OTUD7A: variants seen among roughly 807,000 people sequenced by gnomAD.
OTUD7A encodes OTU deubiquitinase 7A.
A neutral mutation model predicts 65.7 loss-of-function variants in OTUD7A; 12 were observed. The observed-to-expected ratio is 0.18, with a 90% CI of 0.12 to 0.30. OTUD7A has a LOEUF of 0.30. Among genes scored for constraint, OTUD7A ranks in the 10% least tolerant of loss-of-function variants. The pLI is 1.00. For missense variants in OTUD7A, 1,148 were observed against 1,304.8 expected, an observed-to-expected ratio of 0.88 and a Z score of 1.85; for synonymous variants, 641 against 586.3, an observed-to-expected ratio of 1.09 and a Z score of -1.35.
chr15:31,588,581 A>G (rs1445789096), intron 3 of OTUD7A, among the ~76,000 whole-genome samples: 2 of 152,238 alleles, frequency 1.3e-5, no homozygotes, highest in Non-Finnish European at 2.9e-5. Flanking sequence ...ATAATGAATC[A>G]GGGTAGGTTA....
At chr15:31,800,708 A>AG (rs1437852658) in intron 1 of OTUD7A, among the ~76,000 whole-genome samples, 1 of 152,190 alleles carries the variant, frequency 6.6e-6, no homozygotes, top group Non-Finnish European at 1.5e-5. Context: ...AATGAGCAGA[A>AG]GGAGACGCAG....
intron 1 of OTUD7A, among the ~76,000 whole-genome samples, chr15:31,759,719 G>T (rs1008722800): frequency 2.6e-5 from 4 of 152,064 alleles, no homozygotes; most frequent in Admixed American, 6.6e-5. Context: ...AGTAGTGCAG[G>T]GTTTTGCCAT....
chr15:31,753,688 TATATATATATATATTA>T (rs1894707229), intron 1 of OTUD7A, among the ~76,000 whole-genome samples: 1 of 14,722 alleles, frequency 6.8e-5, no homozygotes, highest in South Asian at 4.2e-3. Flanking sequence ...ACCTGTGAGA[TATATATATATATATTA>T]TATATATATA....
intron 3 of OTUD7A, among the ~76,000 whole-genome samples, chr15:31,641,072 C>T (rs1166578193): frequency 1.3e-5 from 2 of 152,166 alleles, no homozygotes; most frequent in Non-Finnish European, 2.9e-5. Flanking sequence ...CCCCACGTGT[C>T]AAGGGCATGA....
At chr15:31,679,130 C>T (rs1892656675) in intron 1 of OTUD7A, among the ~76,000 whole-genome samples, 1 of 152,178 alleles carries the variant, frequency 6.6e-6, no homozygotes, top group Non-Finnish European at 1.5e-5. Flanking sequence ...GGGCCTGCAG[C>T]CCCTTTGTTT....
At chr15:31,631,963 C>T (rs989112963) in intron 3 of OTUD7A, among the ~76,000 whole-genome samples, 18 of 152,272 alleles carry the variant, frequency 1.2e-4, no homozygotes, top group Admixed American at 6.5e-4. Context: ...GACTTCTCTG[C>T]GTTGATTATT....
intron 1 of OTUD7A, among the ~76,000 whole-genome samples, chr15:31,802,260 A>G (rs941795395): frequency 6.6e-6 from 1 of 152,028 alleles, no homozygotes; most frequent in East Asian, 1.9e-4. Flanking sequence ...CCAAAACTGA[A>G]GAACTTGGGA....
intron 1 of OTUD7A, among the ~76,000 whole-genome samples, chr15:31,834,203 C>G (rs1180372811): frequency 1.3e-5 from 2 of 152,158 alleles, no homozygotes; most frequent in Non-Finnish European, 2.9e-5. Context: ...ACAAATCAAA[C>G]AGATAAAAGA....
intron 1 of OTUD7A, among the ~76,000 whole-genome samples, chr15:31,830,096 C>G (rs373940897): frequency 6.6e-6 from 1 of 152,162 alleles, no homozygotes; most frequent in Non-Finnish European, 1.5e-5. Flanking sequence ...GCTGCTTGCT[C>G]GAGTCCAAGC....
chr15:31,614,343 G>C (rs927713553), intron 3 of OTUD7A, among the ~76,000 whole-genome samples: 1 of 152,052 alleles, frequency 6.6e-6, no homozygotes, highest in Non-Finnish European at 1.5e-5. Flanking sequence ...TCTAAAATTA[G>C]TGAAAGATAT....
chr15:31,618,588 C>T (rs79756280), intron 3 of OTUD7A, among the ~76,000 whole-genome samples: 50,588 of 151,946 alleles, frequency 0.33, 11,115 homozygotes, highest in African/African-American at 0.63. Flanking sequence ...TTTTGAGAAG[C>T]GTCTGTTCAT....
Position 31,764,565 on chromosome 15 carries a change from T to C in OTUD7A, c.-100+105942A>G, listed in dbSNP as rs941467080. ...GAAGAACCTTGTTTTAAGATGAGAG[T>C]CATTTATACTTGGCAAGCGTTTTCT... On this transcript the variant is annotated intron_variant, in intron 1 of 12. Transcript: ENST00000307050. Among the ~76,000 whole-genome samples the C allele has an allele frequency of 2.6e-5, 4 of 152,038 alleles. No individual in the cohort carries two copies. In the East Asian group the frequency reaches 7.7e-4, roughly 29 times the overall value.
chr15:31,529,828 T>G (rs1464561541), intron 6 of OTUD7A, among the ~76,000 whole-genome samples: 1 of 152,160 alleles, frequency 6.6e-6, no homozygotes, highest in African/African-American at 2.4e-5. Context: ...GGATGCAAGT[T>G]TGACAAACAA....
Position 31,612,290 on chromosome 15 carries a change from T to C in OTUD7A, c.152-42093A>G, listed in dbSNP as rs143399684. 3.5e-3 allele frequency among the ~76,000 whole-genome samples: 536 copies of C among 152,312 alleles called. 5 individuals are homozygous for C. Among genetic ancestry groups the C allele is most frequent in the African/African-American group, 0.012 (519 of 41,576 alleles). ...TTCTTCAACATAGTACTGGAAGTCCTAGCCAGGGCAATCAGACAAGAGAAA... is the reference window on the plus strand; with the variant it reads ...TTCTTCAACATAGTACTGGAAGTCCCAGCCAGGGCAATCAGACAAGAGAAA... On this transcript the variant is annotated intron_variant, in intron 3 of 12. Coordinates refer to ENST00000307050, the MANE Select transcript of OTUD7A (RefSeq NM_001382637.1).
At chr15:31,704,753 G>C (rs369553376) in intron 1 of OTUD7A, among the ~76,000 whole-genome samples, 1 of 114,086 alleles carries the variant, frequency 8.8e-6, no homozygotes. Context: ...GCAAGCTGAC[G>C]GTTCACAAGA....
chr15:31,710,375 G>A (rs1408838172), intron 1 of OTUD7A, among the ~76,000 whole-genome samples: 3 of 149,692 alleles, frequency 2.0e-5, no homozygotes, highest in Non-Finnish European at 4.4e-5. Flanking sequence ...ACACCTGCAC[G>A]TGCTCCTGGG....
At chr15:31,527,384 CCACGACCCACTGGGAGAGCCTCCTGTCTG>C in intron 6 of OTUD7A, 76 bp from the exon 7 acceptor site, 1 of 1,539,950 alleles carries the variant, frequency 6.5e-7, no homozygotes, top group South Asian at 1.3e-5. Flanking sequence ...ATGCAAACTA[CCACGACCCACTGGGAGAGCCTCCTGTCTG>C]CACGCAGAAC....
At chr15:31,725,179 A>G (rs145047582) in intron 1 of OTUD7A, among the ~76,000 whole-genome samples, 1 of 152,300 alleles carries the variant, frequency 6.6e-6, no homozygotes, top group Non-Finnish European at 1.5e-5. Context: ...TATTCTCCAA[A>G]GAGGAGCTAA....
chr15:31,772,217 A>T (rs1895256296), intron 1 of OTUD7A, among the ~76,000 whole-genome samples: 2 of 144,622 alleles, frequency 1.4e-5, no homozygotes, highest in Admixed American at 1.5e-4. Flanking sequence ...CCGCCACTGC[A>T]CTCCAGCCTG....
Sources: allele counts gnomAD v4.1 joint callset (sites outside exome capture counted in the v4.1 genomes callset), GRCh38; gene constraint gnomAD v4.1.1; transcripts MANE v1.5; gene names NCBI Gene and HGNC (gene_info 2026-07-23, HGNC 2026-07-21).